SGK3: variants seen among roughly 807,000 people sequenced by gnomAD.
SGK3 encodes the protein serum/glucocorticoid regulated kinase family member 3, also known as serine/threonine-protein kinase Sgk3.
Under a neutral mutation model 68.5 loss-of-function variants are expected in SGK3, and 47 were observed. The ratio of observed to expected loss-of-function variants is 0.69; its 90% CI spans 0.54 to 0.87. SGK3 has a LOEUF of 0.87. Ranked by LOEUF, SGK3 falls within the 40% of genes least tolerant of loss-of-function variation. The pLI is 0.00. For missense variants in SGK3, 479 were observed against 575.5 expected (o/e 0.83, Z 1.72); for synonymous variants, 181 against 189.1 (o/e 0.96, Z 0.35).
intron 1 of SGK3, among the ~76,000 whole-genome samples, chr8:66,714,173 G>T (rs963776170): frequency 6.6e-6 from 1 of 152,162 alleles, no homozygotes; most frequent in Non-Finnish European, 1.5e-5. Context: ...ACATAGTTTA[G>T]ATATGAGGGT....
intron 5 of SGK3, among the ~76,000 whole-genome samples, chr8:66,815,458 C>T (rs1808539661): frequency 6.6e-6 from 1 of 152,174 alleles, no homozygotes; most frequent in African/African-American, 2.4e-5. Flanking sequence ...AGTAAAAAGT[C>T]TTACTATTTG....
intron 14 of SGK3, 96 bp from the exon 15 acceptor site, chr8:66,847,097 T>G: frequency 6.6e-7 from 1 of 1,518,974 alleles, no homozygotes. Context: ...CATACATTTT[T>G]TCAACTGACT....
At chr8:66,789,098 T>C (rs1807328202) in intron 1 of SGK3, among the ~76,000 whole-genome samples, 1 of 151,194 alleles carries the variant, frequency 6.6e-6, no homozygotes. Context: ...ATACCAGATG[T>C]CCGGGATTAT....
intron 16 of SGK3, among the ~76,000 whole-genome samples, chr8:66,857,471 A>G (rs868552522): frequency 2.6e-5 from 4 of 152,124 alleles, no homozygotes; most frequent in Non-Finnish European, 5.9e-5. Context: ...CTGAATTTGT[A>G]TCCCAGTTTT....
At chr8:66,786,637 T>A (rs1196177844) in intron 1 of SGK3, among the ~76,000 whole-genome samples, 1 of 152,206 alleles carries the variant, frequency 6.6e-6, no homozygotes, top group African/African-American at 2.4e-5. Context: ...GGCAAGTGAT[T>A]TAACCGCTTT....
At chr8:66,722,346 G>A (rs1198084460) in intron 1 of SGK3, among the ~76,000 whole-genome samples, 1 of 152,196 alleles carries the variant, frequency 6.6e-6, no homozygotes, top group Admixed American at 6.5e-5. Context: ...GCAGCGGCGC[G>A]ATCTTGGCTC....
intron 1 of SGK3, among the ~76,000 whole-genome samples, chr8:66,778,339 G>T (rs1806801943): frequency 6.6e-6 from 1 of 152,140 alleles, no homozygotes; most frequent in Non-Finnish European, 1.5e-5. Flanking sequence ...TGTTGCCCAG[G>T]CTGGAGTGAA....
chr8:66,718,463 G>A (rs1804706202), intron 1 of SGK3, among the ~76,000 whole-genome samples: 1 of 150,310 alleles, frequency 6.7e-6, no homozygotes, highest in Non-Finnish European at 1.5e-5. Flanking sequence ...GTGTGTGTGT[G>A]TGTGTGTGTG....
intron 1 of SGK3, among the ~76,000 whole-genome samples, chr8:66,727,175 C>G (rs1805010232): frequency 6.6e-6 from 1 of 152,104 alleles, no homozygotes; most frequent in Non-Finnish European, 1.5e-5. Flanking sequence ...AATCTCAGCT[C>G]ACTGCAGCCT....
chr8:66,794,022 G>T (rs554748594), intron 2 of SGK3, among the ~76,000 whole-genome samples, 190 bp downstream of exon 2: 2 of 151,998 alleles, frequency 1.3e-5, no homozygotes, highest in African/African-American at 4.8e-5. Context: ...TCCTTTTTTA[G>T]TGTCTCTTTA....
intron 1 of SGK3, among the ~76,000 whole-genome samples, chr8:66,769,733 A>T (rs1339332262): frequency 3.3e-5 from 5 of 151,174 alleles, no homozygotes. Context: ...TACTATTGTT[A>T]TTATTATTAT....
chr8:66,714,219 T>C (rs1804572182), intron 1 of SGK3, among the ~76,000 whole-genome samples: 1 of 152,270 alleles, frequency 6.6e-6, no homozygotes, highest in Non-Finnish European at 1.5e-5. Flanking sequence ...AAATAGAACA[T>C]TTTTGTTTGC....
chr8:66,744,150 G>T (rs1243873492), intron 1 of SGK3, among the ~76,000 whole-genome samples: 1 of 152,052 alleles, frequency 6.6e-6, no homozygotes, highest in African/African-American at 2.4e-5. Context: ...GAAAGTATCT[G>T]TAGTCTCCCT....
At chr8:66,849,746 A>G (rs909548628) in intron 15 of SGK3, among the ~76,000 whole-genome samples, 5 of 151,734 alleles carry the variant, frequency 3.3e-5, no homozygotes, top group African/African-American at 1.2e-4. Context: ...GGCATGTGCC[A>G]CCACACTGTT....
At chr8:66,810,593 C>G (rs1282145653) in intron 4 of SGK3, among the ~76,000 whole-genome samples, 1 of 152,090 alleles carries the variant, frequency 6.6e-6, no homozygotes, top group East Asian at 1.9e-4. Context: ...CCCGGCTACT[C>G]TGGAGGCTGA....
chr8:66,745,821 G>A (rs552172898), intron 1 of SGK3, among the ~76,000 whole-genome samples: 34 of 152,254 alleles, frequency 2.2e-4, no homozygotes, highest in Non-Finnish European at 3.7e-4. Flanking sequence ...GCATTCTCCA[G>A]AAGGGAAGAA....
chr8:66,812,048 A>G (rs1808400572), intron 4 of SGK3, among the ~76,000 whole-genome samples: 1 of 152,206 alleles, frequency 6.6e-6, no homozygotes, highest in Admixed American at 6.5e-5. Context: ...TTATATTTGT[A>G]TGAAGCCATA....
chr8:66,742,272 G>GA (rs952348249), intron 1 of SGK3, among the ~76,000 whole-genome samples: 11 of 152,038 alleles, frequency 7.2e-5, no homozygotes, highest in Admixed American at 5.2e-4. Context: ...AGGTTTAGGA[G>GA]AAAAAAAATC....
At chr8:66,807,067 C>T (rs868161584) in intron 4 of SGK3, among the ~76,000 whole-genome samples, 31 of 152,074 alleles carry the variant, frequency 2.0e-4, no homozygotes, top group African/African-American at 7.0e-4. Flanking sequence ...TCCAATAGCC[C>T]TGGCATTAGA....
Sources: allele counts gnomAD v4.1 joint callset (sites outside exome capture counted in the v4.1 genomes callset), GRCh38; gene constraint gnomAD v4.1.1; transcripts MANE v1.5; gene names NCBI Gene and HGNC (gene_info 2026-07-23, HGNC 2026-07-21).